Variants in CFAP20DC observed in about 807,000 individuals in gnomAD.
The protein encoded by CFAP20DC is protein CFAP20DC.
CFAP20DC carries 84 observed loss-of-function variants against 101.7 expected under a neutral mutation model. The ratio of observed to expected loss-of-function variants is 0.83; its 90% confidence interval spans 0.69 to 0.99. The LOEUF is 0.99. Among genes scored for constraint, CFAP20DC ranks in the 50% least tolerant of loss-of-function variants. The probability of loss-of-function intolerance (pLI) is 0.00; values close to 1 mark genes in which losing one functional copy is unlikely to be tolerated. For synonymous variants in CFAP20DC, 359 were observed against 351.2 expected, an observed-to-expected ratio of 1.02 and a Z score of -0.25; for missense variants, 1,007 against 970.3, an observed-to-expected ratio of 1.04 and a Z score of -0.50.
At chr3:59,024,057 A>G (rs1471347203) in intron 4 of CFAP20DC, among the ~76,000 whole-genome samples, 1 of 152,152 alleles carries the variant, frequency 6.6e-6, no homozygotes, top group Non-Finnish European at 1.5e-5. Context: ...ATCTAACTCC[A>G]GCTAGCTCCA....
At position 58,732,819 on chromosome 3, in the gene CFAP20DC, T is replaced by C. The variant is rs1245408195; in HGVS notation, c.198-15191A>G. Among the ~76,000 whole-genome samples, 2 of 152,190 alleles carry C rather than the reference T, an allele frequency of 1.3e-5. No homozygotes were observed. Among genetic ancestry groups the C allele is most frequent in the African/African-American group, 2.4e-5 (1 of 41,446 alleles). On this transcript the variant is annotated intron_variant, in intron 3 of 3. Transcript: ENST00000486145. The surrounding 1 kb of genome is among the most constrained non-coding windows in gnomAD (Gnocchi z 5.4). ...CCATGGTTTTGAAGACACTGGTATG[T>C]CTTTGGTGAAATGTTCTATATCTAT...
At chr3:58,760,668 G>T (rs1251023407) in intron 15 of CFAP20DC, among the ~76,000 whole-genome samples, 1 of 152,078 alleles carries the variant, frequency 6.6e-6, no homozygotes. Context: ...ATTGGCTGTG[G>T]GATTGTCATA....
Position 58,913,521 on chromosome 3 carries a change from G to T in CFAP20DC, c.550+187C>A. The T allele has an allele frequency of 3.2e-6, 2 of 626,996 alleles. No individual in the cohort carries two copies. The highest frequency in any genetic ancestry group is 2.8e-6 in the Non-Finnish European group (1 of 359,530). 38.8% of individuals were successfully genotyped at this position (626,996 alleles called of 1,614,324 possible). A position where few individuals can be genotyped will look rare whatever the true frequency, so the allele number is the denominator to read the frequency against. On this transcript the variant is annotated intron_variant, in intron 6 of 16. Coordinates refer to ENST00000482387, the MANE Select transcript of CFAP20DC (RefSeq NM_001394063.1). This position sits in a 1 kb window ranked among gnomAD's most constrained non-coding sequence, Gnocchi z 4.4. Reference sequence around the variant, plus strand: ...CAAAAAGAAGATTAATACCTTTTTTGTGACATTCAGCTATAGTAAAAATAA... The same window carrying T: ...CAAAAAGAAGATTAATACCTTTTTTTTGACATTCAGCTATAGTAAAAATAA...
chr3:58,997,612 G>A (rs1201249281), intron 4 of CFAP20DC, among the ~76,000 whole-genome samples: 2 of 152,206 alleles, frequency 1.3e-5, no homozygotes, highest in South Asian at 2.1e-4. Flanking sequence ...CTACTCTCAT[G>A]AAGCTCACAA....
At chr3:58,825,687 G>T (rs1278280269) in intron 14 of CFAP20DC, among the ~76,000 whole-genome samples, 1 of 152,072 alleles carries the variant, frequency 6.6e-6, no homozygotes, top group East Asian at 1.9e-4. Flanking sequence ...ATCTCACGAG[G>T]GCTACTCCTA....
chr3:58,957,465 T>C (rs2090743898), intron 4 of CFAP20DC, among the ~76,000 whole-genome samples: 1 of 152,210 alleles, frequency 6.6e-6, no homozygotes, highest in East Asian at 1.9e-4. Context: ...AAACTAAAAA[T>C]AGAGCTCTCA....
rs1260574728 is a variant in CFAP20DC at position 58,957,655 on chromosome 3, G to A, written c.279-19893C>T. Among the ~76,000 whole-genome samples the A allele has an allele frequency of 2.0e-5, 3 of 152,122 alleles. No homozygotes were observed. In the East Asian group the frequency reaches 5.8e-4, roughly 29 times the overall value. On this transcript the variant is annotated intron_variant, in intron 4 of 16. Coordinates refer to ENST00000482387, the MANE Select transcript of CFAP20DC (RefSeq NM_001394063.1). ...AGACAATGTGGTACTTACATACAAT[G>A]GAGTATTATTCAGCCATAAAATAGA...
At chr3:58,916,472 A>T (rs1576293771) in intron 5 of CFAP20DC, among the ~76,000 whole-genome samples, 1 of 152,102 alleles carries the variant, frequency 6.6e-6, no homozygotes, top group Admixed American at 6.6e-5. Flanking sequence ...CTCATGCTTC[A>T]TGGAATGTAC....
At chr3:58,858,900 A>G (rs2079037839) in intron 12 of CFAP20DC, among the ~76,000 whole-genome samples, 1 of 152,206 alleles carries the variant, frequency 6.6e-6, no homozygotes, top group South Asian at 2.1e-4. Flanking sequence ...AGTTATTTGC[A>G]CAAATTCAGC....
intron 15 of CFAP20DC, among the ~76,000 whole-genome samples, chr3:58,796,958 A>C (rs1402173520): frequency 4.6e-5 from 7 of 152,184 alleles, no homozygotes; most frequent in Non-Finnish European, 5.9e-5. Context: ...AAGATGGCAA[A>C]TTTAGTAAAT....
intron 14 of CFAP20DC, among the ~76,000 whole-genome samples, chr3:58,829,001 G>C (rs1403595215): frequency 1.3e-5 from 2 of 152,086 alleles, no homozygotes; most frequent in Non-Finnish European, 2.9e-5. Flanking sequence ...CTGGCTAAAG[G>C]ATCAATATGG....
intron 15 of CFAP20DC, among the ~76,000 whole-genome samples, chr3:58,782,410 G>C (rs1001087550): frequency 2.0e-5 from 3 of 151,876 alleles, no homozygotes; most frequent in Admixed American, 6.6e-5. Flanking sequence ...CCTGTTCAAC[G>C]TAATACTGGA....
chr3:58,768,677 T>G lies in CFAP20DC; in HGVS notation c.2238-14814A>C, dbSNP rs542470040. 3.9e-5 allele frequency among the ~76,000 whole-genome samples: 6 copies of G among 152,318 alleles called. No individual in the cohort carries two copies. In the South Asian group the frequency reaches 1.2e-3, roughly 32 times the overall value. On this transcript the variant is annotated intron_variant, in intron 15 of 16. Coordinates refer to ENST00000482387, the MANE Select transcript of CFAP20DC (RefSeq NM_001394063.1). ...TACGGTAAAATCCCAAATTACCACA[T>G]TGGCTTAAAGCCTTGACTAGCCTGG... is the stretch of plus-strand genomic sequence containing the variant.
rs760511420 is a variant in CFAP20DC, at chr3:58,849,262, C to T, written c.1741G>A (p.Glu581Lys). 6.5e-7 allele frequency: 1 copy of T among 1,536,082 alleles called. No individual in the cohort carries two copies. Among genetic ancestry groups the T allele is most frequent in the Non-Finnish European group, 8.7e-7 (1 of 1,146,904 alleles). Reference protein sequence around the residue: ...RSAYTEAGATESQDSSMEQID... With the variant: ...RSAYTEAGATKSQDSSMEQID... ...TGCTCCATCGAGGAATCCTGGCTTT[C>T]TGTTGCTCCTGCTTCTGTGTAGGCG... is the stretch of plus-strand genomic sequence containing the variant. Residue 581 changes from glutamate (E) to lysine (K), a missense_variant, in exon 13 of 17, where the codon GAA (glutamate) becomes AAA (lysine). Coordinates refer to ENST00000482387, the MANE Select transcript of CFAP20DC (RefSeq NM_001394063.1).
In CFAP20DC at chr3:58,982,067, C is replaced by G. The variant is rs1241523643; in HGVS notation, c.279-44305G>C. ...GTGAAGGACATGAACAGACACTTCT[C>G]AAAAGAAGACATTTATGCAGCCAAA... On this transcript the variant is annotated intron_variant, in intron 4 of 16. Transcript: ENST00000482387. Among the ~76,000 whole-genome samples the G allele has an allele frequency of 2.0e-5, 3 of 152,298 alleles. No homozygotes were observed. The East Asian group carries it at 5.8e-4, about 29-fold the overall frequency.
At chr3:58,808,160 A>C (rs1272037569) in intron 14 of CFAP20DC, among the ~76,000 whole-genome samples, 1 of 152,252 alleles carries the variant, frequency 6.6e-6, no homozygotes, top group African/African-American at 2.4e-5. Flanking sequence ...ATCCAGGAGA[A>C]CTTCCCCAAT....
chr3:59,027,281 T>A (rs1250433060), intron 4 of CFAP20DC, among the ~76,000 whole-genome samples: 1 of 152,216 alleles, frequency 6.6e-6, no homozygotes, highest in Non-Finnish European at 1.5e-5. Flanking sequence ...TTTTCTTTTT[T>A]AAAGAATTTA....
chr3:58,787,699 G>A (rs1325468598), intron 15 of CFAP20DC, among the ~76,000 whole-genome samples: 2 of 152,044 alleles, frequency 1.3e-5, no homozygotes, highest in Non-Finnish European at 2.9e-5. Flanking sequence ...CATGTTTATT[G>A]CAGCACTATT....
chr3:59,041,283 A>T (rs1699360338), intron 3 of CFAP20DC, among the ~76,000 whole-genome samples: 1 of 152,134 alleles, frequency 6.6e-6, no homozygotes, highest in Non-Finnish European at 1.5e-5. Flanking sequence ...TTATATGAGC[A>T]TTTTTAGATA....
Sources: gnomAD v4.1 joint callset for allele counts (sites outside exome capture counted in the v4.1 genomes callset) on GRCh38, gnomAD v4.1.1 for gene constraint, Gnocchi (gnomAD v3.1) non-coding constraint, MANE v1.5 for transcripts, NCBI Gene and HGNC (gene_info 2026-07-23, HGNC 2026-07-21) for gene names.